TENM3: variants seen among roughly 807,000 people sequenced by gnomAD.
The protein encoded by TENM3 is teneurin-3.
In TENM3, 63 loss-of-function variants were observed where a neutral mutation model predicts 255.1. That is an observed-to-expected ratio of 0.25 (90% CI 0.20 to 0.30). TENM3 has a LOEUF of 0.30. Among genes scored for constraint, TENM3 ranks in the 10% least tolerant of loss-of-function variants. TENM3 has a pLI of 1.00. For missense variants in TENM3, 2,929 were observed against 3,461.1 expected (o/e 0.85, Z 3.86); for synonymous variants, 1,306 against 1,322.3 (o/e 0.99, Z 0.27).
chr4:181,793,487 C>A, the TENM3 span, among the ~76,000 whole-genome samples: 1 of 152,172 alleles, frequency 6.6e-6, no homozygotes, highest in East Asian at 1.9e-4. Context: ...AGGACAAGTG[C>A]ATTGTCTTTC....
intron 18 of TENM3, among the ~76,000 whole-genome samples, chr4:182,742,398 A>G (rs553332478): frequency 6.6e-6 from 1 of 152,318 alleles, no homozygotes; most frequent in Admixed American, 6.5e-5. Flanking sequence ...GGCCTTCTAC[A>G]ACAGTTTTGT....
At chr4:182,504,113 A>G (rs978598073) in intron 3 of TENM3, among the ~76,000 whole-genome samples, 16 of 151,994 alleles carry the variant, frequency 1.1e-4, no homozygotes, top group African/African-American at 3.9e-4. Context: ...TGTACTCAGT[A>G]CCCAGAATAG....
At chr4:182,714,382 C>A in intron 13 of TENM3, 149 bp downstream of exon 13, 1 of 654,212 alleles carries the variant, frequency 1.5e-6, no homozygotes, top group Non-Finnish European at 2.4e-6. Context: ...TGTATGAGTG[C>A]TGATAGAATG....
chr4:182,763,172 A>AACTT (rs1763352888), intron 22 of TENM3, among the ~76,000 whole-genome samples: 1 of 152,336 alleles, frequency 6.6e-6, no homozygotes, highest in African/African-American at 2.4e-5. Flanking sequence ...AAGGCTGAAA[A>AACTT]ACTTATAGTG....
intron 3 of TENM3, among the ~76,000 whole-genome samples, chr4:182,409,167 T>C (rs1365646102): frequency 2.6e-5 from 4 of 152,210 alleles, no homozygotes; most frequent in East Asian, 1.9e-4. Context: ...CTAGAGATCC[T>C]TTCTGTCCAG....
At chr4:182,646,267 C>T (rs1429921063) in intron 5 of TENM3, among the ~76,000 whole-genome samples, 1 of 152,074 alleles carries the variant, frequency 6.6e-6, no homozygotes, top group Non-Finnish European at 1.5e-5. Flanking sequence ...TTGTGAATAG[C>T]CTGTAAGACT....
At chr4:182,459,471 G>T (rs112671333) in intron 3 of TENM3, among the ~76,000 whole-genome samples, 1 of 151,928 alleles carries the variant, frequency 6.6e-6, no homozygotes, top group Non-Finnish European at 1.5e-5. Context: ...AGAATCTAAG[G>T]CTTTATACAT....
chr4:181,647,407 A>G, the TENM3 span, among the ~76,000 whole-genome samples: 5 of 152,204 alleles, frequency 3.3e-5, no homozygotes, highest in South Asian at 6.2e-4. Context: ...CAGCTCTAGG[A>G]GAGGAAAATG....
At chr4:181,859,734 G>T in the TENM3 span, among the ~76,000 whole-genome samples, 1 of 151,990 alleles carries the variant, frequency 6.6e-6, no homozygotes, top group African/African-American at 2.4e-5. Context: ...TTAAAAGCTT[G>T]AATTGCAAAA....
intron 3 of TENM3, among the ~76,000 whole-genome samples, chr4:182,584,663 G>A (rs908502337): frequency 2.0e-5 from 3 of 151,706 alleles, no homozygotes; most frequent in African/African-American, 4.8e-5. Context: ...TTTTTGAGAC[G>A]GAGTATTATT....
chr4:182,076,466 C>T, the TENM3 span, among the ~76,000 whole-genome samples: 9 of 151,816 alleles, frequency 5.9e-5, no homozygotes, highest in East Asian at 3.9e-4. Context: ...CCTCCCAAAG[C>T]GCTGGGATTA....
chr4:182,090,481 G>C, the TENM3 span, among the ~76,000 whole-genome samples: 6 of 152,296 alleles, frequency 3.9e-5, no homozygotes, highest in Non-Finnish European at 7.3e-5. Context: ...CAAGAGCCAG[G>C]AGTGAATAAA....
chr4:181,921,265 G>T, the TENM3 span, among the ~76,000 whole-genome samples: 2 of 152,116 alleles, frequency 1.3e-5, no homozygotes, highest in Non-Finnish European at 2.9e-5. Flanking sequence ...TTCCAATTCT[G>T]TGAAGAAAGT....
At chr4:182,554,956 G>A (rs555804654) in intron 3 of TENM3, among the ~76,000 whole-genome samples, 126 of 151,992 alleles carry the variant, frequency 8.3e-4, no homozygotes, top group African/African-American at 2.8e-3. Context: ...AAGGAAAAGA[G>A]GAGGTAGGGA....
At chr4:182,569,611 A>G (rs1744165189) in intron 3 of TENM3, among the ~76,000 whole-genome samples, 1 of 152,072 alleles carries the variant, frequency 6.6e-6, no homozygotes, top group African/African-American at 2.4e-5. Context: ...TTATGTCTTG[A>G]GCTTGATACA....
chr4:182,602,396 A>G (rs932932209), intron 4 of TENM3, among the ~76,000 whole-genome samples: 1 of 152,186 alleles, frequency 6.6e-6, no homozygotes, highest in Non-Finnish European at 1.5e-5. Context: ...TGGGTGAACA[A>G]AGTGTCTCAC....
chr4:182,161,959 GTATATATATATATATATATA>G lies in TENM3; in HGVS notation c.-76+17223_-76+17242del, dbSNP rs766414090. On this transcript the variant is annotated intron_variant, in intron 1 of 2. Transcript: ENST00000512480. ...CATATATATATTTGTGTGTGTGTGTGTATATATATATATATATATATATATATATATATATATGATGCAAA... is the reference window on the plus strand; with the variant it reads ...CATATATATATTTGTGTGTGTGTGTGTATATATATATATATATGATGCAAA... Among the ~76,000 whole-genome samples, 5 of 16,282 alleles carry G rather than the reference GTATATATATATATATATATA, an allele frequency of 3.1e-4. 2 individuals are homozygous for G. The highest frequency in any genetic ancestry group is 8.2e-4 in the Admixed American group (1 of 1,224). 10.7% of individuals were successfully genotyped at this position (16,282 alleles called of 152,430 possible).
the TENM3 span, among the ~76,000 whole-genome samples, chr4:181,521,943 A>C: frequency 0.68 from 102,403 of 151,262 alleles, 34,859 homozygotes; most frequent in South Asian, 0.79. Context: ...TTAAAAAAAA[A>C]ATAAAAAATT....
intron 3 of TENM3, among the ~76,000 whole-genome samples, chr4:182,373,665 A>G (rs755997953): frequency 6.6e-6 from 1 of 152,070 alleles, no homozygotes; most frequent in Non-Finnish European, 1.5e-5. Context: ...CACCTCCAAC[A>G]TTGGGTGTCA....
Sources: gnomAD v4.1 joint callset for allele counts (sites outside exome capture counted in the v4.1 genomes callset) on GRCh38, gnomAD v4.1.1 for gene constraint, MANE v1.5 for transcripts, NCBI Gene and HGNC (gene_info 2026-07-23, HGNC 2026-07-21) for gene names.